Variants in PCDH9 observed in about 807,000 individuals in gnomAD.
PCDH9 encodes the protein protocadherin-9.
Under a neutral mutation model 70.6 loss-of-function variants are expected in PCDH9, and 24 were observed. The ratio of observed to expected loss-of-function variants is 0.34; its 90% CI spans 0.25 to 0.48. The LOEUF is 0.48. Ranked by LOEUF, PCDH9 falls within the 20% of genes least tolerant of loss-of-function variation. The pLI is 0.99. For synonymous variants in PCDH9, 562 were observed against 558.5 expected, an observed-to-expected ratio of 1.01 and a Z score of -0.09; for missense variants, 1,281 against 1,503.6, an observed-to-expected ratio of 0.85 and a Z score of 2.45.
At chr13:66,979,666 T>A (rs917931676) in intron 2 of PCDH9, among the ~76,000 whole-genome samples, 1 of 152,156 alleles carries the variant, frequency 6.6e-6, no homozygotes, top group Non-Finnish European at 1.5e-5. Flanking sequence ...CTCATTCATG[T>A]CCAAAATTCT....
At chr13:66,766,588 T>C (rs1235503112) in intron 3 of PCDH9, among the ~76,000 whole-genome samples, 1 of 151,106 alleles carries the variant, frequency 6.6e-6, no homozygotes, top group Non-Finnish European at 1.5e-5. Context: ...GAGAGAAGAA[T>C]AAGAATAAGG....
intron 3 of PCDH9, among the ~76,000 whole-genome samples, chr13:66,802,300 T>A (rs558493621): frequency 1.3e-5 from 2 of 152,048 alleles, no homozygotes; most frequent in Non-Finnish European, 2.9e-5. Flanking sequence ...CTCTGCAATA[T>A]AATATGTTGT....
At position 66,912,475 on chromosome 13, in the gene PCDH9, T is replaced by C. The variant is rs551421723; in HGVS notation, c.3037-8870A>G. 1.8e-4 allele frequency among the ~76,000 whole-genome samples: 27 copies of C among 151,988 alleles called. 1 individual carries two copies. Among genetic ancestry groups the C allele is most frequent in the Admixed American group, 1.5e-3 (23 of 15,234 alleles). On this transcript the variant is annotated intron_variant, in intron 2 of 4. Transcript: ENST00000377865. ...CCAGGCAGAAAATATTCTCCTTCTA[T>C]ACAAAGGTGGCCATTTGTGAATTAC...
At chr13:66,999,554 A>C (rs1594371954) in intron 2 of PCDH9, among the ~76,000 whole-genome samples, 2 of 152,082 alleles carry the variant, frequency 1.3e-5, no homozygotes, top group East Asian at 1.9e-4. Context: ...CAACCTACAA[A>C]ATGGGAGAAA....
chr13:67,176,211 T>A, intron 2 of PCDH9, among the ~76,000 whole-genome samples: 1 of 152,136 alleles, frequency 6.6e-6, no homozygotes, highest in Admixed American at 6.6e-5. Context: ...TTCATTAAGA[T>A]AGATGAACTC....
chr13:66,722,646 G>GA, intron 3 of PCDH9, among the ~76,000 whole-genome samples: 1 of 151,988 alleles, frequency 6.6e-6, no homozygotes. Flanking sequence ...CTTCTTTGTG[G>GA]ACAAAGACAA....
At chr13:66,445,694 CAT>C (rs1431293146) in intron 4 of PCDH9, among the ~76,000 whole-genome samples, 21 of 139,870 alleles carry the variant, frequency 1.5e-4, no homozygotes, top group African/African-American at 4.9e-4. Context: ...AATATATACA[CAT>C]ATATATTATG....
chr13:66,671,281 G>A (rs2078172137), intron 3 of PCDH9, among the ~76,000 whole-genome samples: 1 of 152,156 alleles, frequency 6.6e-6, no homozygotes, highest in Admixed American at 6.5e-5. Context: ...ATAGCAGTAT[G>A]AAAATGGAAT....
intron 4 of PCDH9, among the ~76,000 whole-genome samples, chr13:66,518,697 A>G (rs1694309693): frequency 6.6e-6 from 1 of 152,190 alleles, no homozygotes; most frequent in Non-Finnish European, 1.5e-5. Context: ...TGGGTAACAT[A>G]AATTTACTTT....
intron 3 of PCDH9, among the ~76,000 whole-genome samples, chr13:66,810,569 C>T (rs1414250385): frequency 3.3e-5 from 5 of 151,842 alleles, no homozygotes; most frequent in African/African-American, 1.2e-4. Flanking sequence ...ATTGCTTATG[C>T]TACTTTATAT....
At chr13:66,385,161 T>C (rs1446822823) in intron 4 of PCDH9, among the ~76,000 whole-genome samples, 1 of 152,182 alleles carries the variant, frequency 6.6e-6, no homozygotes, top group Non-Finnish European at 1.5e-5. Context: ...GTCCTCCAGG[T>C]ATATTCATGT....
intron 4 of PCDH9, among the ~76,000 whole-genome samples, chr13:66,388,029 C>A (rs1377420390): frequency 1.3e-5 from 2 of 152,090 alleles, no homozygotes; most frequent in African/African-American, 4.8e-5. Context: ...AGTCAAATCC[C>A]TTGGAATACG....
At chr13:67,173,723 G>A (rs753346262) in intron 2 of PCDH9, among the ~76,000 whole-genome samples, 1 of 152,088 alleles carries the variant, frequency 6.6e-6, no homozygotes, top group African/African-American at 2.4e-5. Context: ...TTTGAATTTC[G>A]AATTCTAAGT....
chr13:66,681,574 G>C lies in PCDH9; in HGVS notation c.3139-50163C>G, dbSNP rs2078320335. ...TCCCCTGGCCTCTTCTTTTTCTCTA[G>C]GCACTACTGGATCCCATTTGTTTAT... On this transcript the variant is annotated intron_variant, in intron 3 of 4. Coordinates refer to ENST00000377865, the MANE Select transcript of PCDH9 (RefSeq NM_203487.3). 2.0e-5 allele frequency among the ~76,000 whole-genome samples: 3 copies of C among 151,866 alleles called. No individual in the cohort carries two copies. In the South Asian group the frequency reaches 6.2e-4, roughly 32 times the overall value.
chr13:66,473,679 A>G (rs1433405190), intron 4 of PCDH9, among the ~76,000 whole-genome samples: 2 of 152,206 alleles, frequency 1.3e-5, no homozygotes, highest in African/African-American at 2.4e-5. Flanking sequence ...TCTTACCTAT[A>G]CAAAATATCT....
At chr13:66,682,625 A>C (rs1187724598) in intron 3 of PCDH9, among the ~76,000 whole-genome samples, 1 of 152,152 alleles carries the variant, frequency 6.6e-6, no homozygotes, top group African/African-American at 2.4e-5. Context: ...CTGAGAGTTA[A>C]AAAAACATTA....
chr13:66,562,474 C>G (rs1022754316), intron 4 of PCDH9, among the ~76,000 whole-genome samples: 14 of 152,110 alleles, frequency 9.2e-5, no homozygotes, highest in African/African-American at 3.4e-4. Context: ...TTCCGCATGG[C>G]TGGGGAGGCC....
At chr13:66,770,300 A>C (rs564324545) in intron 3 of PCDH9, among the ~76,000 whole-genome samples, 1 of 152,140 alleles carries the variant, frequency 6.6e-6, no homozygotes, top group Non-Finnish European at 1.5e-5. Context: ...AATCTCATAA[A>C]TTACCACTAA....
chr13:66,606,583 A>G (rs1012276450), intron 4 of PCDH9, among the ~76,000 whole-genome samples: 5 of 152,152 alleles, frequency 3.3e-5, no homozygotes, highest in Non-Finnish European at 5.9e-5. Context: ...AATTTCCACT[A>G]GGCATATTGT....
Sources: allele counts gnomAD v4.1 joint callset (sites outside exome capture counted in the v4.1 genomes callset), GRCh38; gene constraint gnomAD v4.1.1; transcripts MANE v1.5; gene names NCBI Gene and HGNC (gene_info 2026-07-23, HGNC 2026-07-21).